The following PRKCB variants were observed in gnomAD, a reference collection of about 807,000 sequenced individuals.
PRKCB encodes protein kinase C beta, also known as protein kinase C beta type.
A neutral mutation model predicts 81.5 loss-of-function variants in PRKCB; 13 were observed. The observed-to-expected ratio is 0.16, with a 90% CI of 0.10 to 0.25. The LOEUF is 0.25. PRKCB is among the 10% of genes least tolerant of loss of function. The probability of loss-of-function intolerance (pLI) is 1.00; values close to 1 mark genes in which losing one functional copy is unlikely to be tolerated. For synonymous variants in PRKCB, 335 were observed against 321.4 expected (o/e 1.04, Z -0.45); for missense variants, 509 against 875.7 (o/e 0.58, Z 5.29).
intron 5 of PRKCB, among the ~76,000 whole-genome samples, chr16:24,085,489 C>T (rs1401707855): frequency 6.6e-6 from 1 of 152,208 alleles, no homozygotes; most frequent in African/African-American, 2.4e-5. Flanking sequence ...CACTTTGACA[C>T]TGTTATCCTC....
chr16:23,930,016 C>T (rs551233395), intron 2 of PRKCB, among the ~76,000 whole-genome samples: 32 of 152,098 alleles, frequency 2.1e-4, no homozygotes, highest in African/African-American at 7.7e-4. Flanking sequence ...CTGCTATGGT[C>T]GAAATGGGAT....
chr16:24,107,661 C>T (rs1369056089), intron 7 of PRKCB, among the ~76,000 whole-genome samples: 1 of 152,236 alleles, frequency 6.6e-6, no homozygotes, highest in African/African-American at 2.4e-5. Context: ...GTCCTTCACT[C>T]ACTCTGTGGC....
At chr16:23,849,647 C>T (rs1962438924) in intron 2 of PRKCB, among the ~76,000 whole-genome samples, 1 of 151,662 alleles carries the variant, frequency 6.6e-6, no homozygotes, top group South Asian at 2.1e-4. Context: ...AGAAGGACTT[C>T]TTTTTATTTC....
At chr16:24,205,312 T>A (rs1968029067) in intron 16 of PRKCB, among the ~76,000 whole-genome samples, 1 of 151,760 alleles carries the variant, frequency 6.6e-6, no homozygotes, top group Non-Finnish European at 1.5e-5. Context: ...CCACCATGCC[T>A]GGCCAATTTT....
chr16:23,884,319 A>G (rs1963166468), intron 2 of PRKCB, among the ~76,000 whole-genome samples: 1 of 152,212 alleles, frequency 6.6e-6, no homozygotes, highest in South Asian at 2.1e-4. Flanking sequence ...ATTTCCCCAC[A>G]TCATATACAT....
At chr16:23,898,324 C>T (rs1963413546) in intron 2 of PRKCB, among the ~76,000 whole-genome samples, 1 of 152,110 alleles carries the variant, frequency 6.6e-6, no homozygotes, top group Admixed American at 6.6e-5. Context: ...ATCTCGGCCT[C>T]CCAAAGTGCT....
chr16:24,130,856 C>T (rs1966852323), intron 9 of PRKCB, among the ~76,000 whole-genome samples: 1 of 152,178 alleles, frequency 6.6e-6, no homozygotes, highest in Non-Finnish European at 1.5e-5. Context: ...CACTTCAGTG[C>T]AAAGGAGGCC....
intron 7 of PRKCB, among the ~76,000 whole-genome samples, chr16:24,112,556 TAAC>T (rs755867016): frequency 5.7e-4 from 87 of 151,958 alleles, no homozygotes; most frequent in Non-Finnish European, 1.1e-3. Context: ...ACAACAACAA[TAAC>T]AACAACAACA....
At chr16:24,088,814 G>A (rs552648484) in intron 5 of PRKCB, among the ~76,000 whole-genome samples, 86 of 151,874 alleles carry the variant, frequency 5.7e-4, no homozygotes, top group African/African-American at 2.0e-3. Context: ...CACTCTAAAA[G>A]AGCTGTAAAT....
chr16:23,903,992 G>A (rs9806849), intron 2 of PRKCB, among the ~76,000 whole-genome samples: 1 of 152,110 alleles, frequency 6.6e-6, no homozygotes, highest in Admixed American at 6.5e-5. Context: ...AATATGTGTC[G>A]ACTAAATGAA....
intron 2 of PRKCB, among the ~76,000 whole-genome samples, chr16:23,879,784 G>A (rs1321059470): frequency 6.6e-6 from 1 of 152,152 alleles, no homozygotes; most frequent in Non-Finnish European, 1.5e-5. Flanking sequence ...GTGAGCCACT[G>A]AGCCCGGTGC....
chr16:23,951,362 C>A (rs369817393), intron 2 of PRKCB, among the ~76,000 whole-genome samples: 17 of 152,226 alleles, frequency 1.1e-4, no homozygotes, highest in African/African-American at 4.1e-4. Context: ...TAGGCATACG[C>A]TTTTTGGGCA....
chr16:24,191,398 A>T, intron 16 of PRKCB, 168 bp downstream of exon 16: 7 of 667,934 alleles, frequency 1.0e-5, no homozygotes, highest in East Asian at 5.8e-5. Context: ...TAAGATGGAC[A>T]TTTTCCATTG....
At chr16:24,097,086 G>A (rs1966455932) in intron 7 of PRKCB, among the ~76,000 whole-genome samples, 1 of 143,708 alleles carries the variant, frequency 7.0e-6, no homozygotes, top group African/African-American at 2.6e-5. Flanking sequence ...ACCCAGGCTG[G>A]AGTGCAGTGG....
chr16:24,138,526 T>TC (rs1966873281), intron 9 of PRKCB, among the ~76,000 whole-genome samples: 2 of 151,818 alleles, frequency 1.3e-5, no homozygotes, highest in African/African-American at 4.8e-5. Context: ...GACTAAGCCA[T>TC]ATATGTCACC....
chr16:23,966,057 A>C (rs944122395), intron 2 of PRKCB, among the ~76,000 whole-genome samples: 1 of 152,248 alleles, frequency 6.6e-6, no homozygotes, highest in South Asian at 2.1e-4. Flanking sequence ...AGGGCCATTA[A>C]GCTAGAGGCT....
At chr16:23,906,473 A>T (rs1354799558) in intron 2 of PRKCB, among the ~76,000 whole-genome samples, 3 of 152,106 alleles carry the variant, frequency 2.0e-5, no homozygotes. Flanking sequence ...TGAAAAAGTG[A>T]TTTATTATGG....
chr16:24,106,124 A>AAAAAAC (rs796604372), intron 7 of PRKCB, among the ~76,000 whole-genome samples: 1 of 16,180 alleles, frequency 6.2e-5, no homozygotes, highest in Non-Finnish European at 1.4e-4. Flanking sequence ...AACAAAAAAC[A>AAAAAAC]AAAAAAACTA....
chr16:24,117,029 C>T (rs898684199), intron 8 of PRKCB, among the ~76,000 whole-genome samples: 1 of 147,048 alleles, frequency 6.8e-6, no homozygotes, highest in Non-Finnish European at 1.5e-5. Context: ...CCTGCAAATG[C>T]TTGTTTATGC....
Sources: gnomAD v4.1 joint callset for allele counts (sites outside exome capture counted in the v4.1 genomes callset) on GRCh38, gnomAD v4.1.1 for gene constraint, MANE v1.5 for transcripts, NCBI Gene and HGNC (gene_info 2026-07-23, HGNC 2026-07-21) for gene names.